Variants in CNTN5 observed in about 807,000 individuals in gnomAD.
CNTN5 encodes the protein contactin 5.
CNTN5 carries 77 observed loss-of-function variants against 129.1 expected under a neutral mutation model. The observed-to-expected ratio is 0.60, with a 90% confidence interval of 0.50 to 0.72. The LOEUF (loss-of-function observed/expected upper bound fraction) is 0.72, where lower values mean the gene tolerates loss of function less well. Among genes scored for constraint, CNTN5 ranks in the 30% least tolerant of loss-of-function variants. The pLI is 0.00. For missense variants in CNTN5, 1,478 were observed against 1,328.8 expected (o/e 1.11, Z -1.75); for synonymous variants, 509 against 465.6 (o/e 1.09, Z -1.20).
intron 15 of CNTN5, 26 bp downstream of exon 15, chr11:100,193,689 T>A (rs765961802): frequency 1.9e-6 from 3 of 1,590,098 alleles, no homozygotes; most frequent in South Asian, 1.2e-5. Flanking sequence ...TTTATTCTTT[T>A]AGTAATGATA....
At chr11:99,482,606 A>T (rs1408904735) in intron 2 of CNTN5, among the ~76,000 whole-genome samples, 1 of 152,192 alleles carries the variant, frequency 6.6e-6, no homozygotes. Context: ...AATAAAATCA[A>T]TTGTTTTCTT....
chr11:99,789,859 A>G (rs565164428), intron 3 of CNTN5, among the ~76,000 whole-genome samples: 4 of 151,942 alleles, frequency 2.6e-5, no homozygotes, highest in Non-Finnish European at 5.9e-5. Context: ...TTATGGTACA[A>G]TTGATCCCAT....
At chr11:100,152,582 A>T (rs1167756156) in intron 13 of CNTN5, among the ~76,000 whole-genome samples, 1 of 152,140 alleles carries the variant, frequency 6.6e-6, no homozygotes, top group Non-Finnish European at 1.5e-5. Context: ...TCATTGATTG[A>T]TTGAAAATAA....
intron 1 of CNTN5, among the ~76,000 whole-genome samples, chr11:99,057,133 G>A (rs1170156316): frequency 6.6e-6 from 1 of 152,000 alleles, no homozygotes. Context: ...GGGATAGATG[G>A]TTGGATTACC....
chr11:99,409,479 A>T (rs2135000346), intron 2 of CNTN5, among the ~76,000 whole-genome samples: 1 of 152,348 alleles, frequency 6.6e-6, no homozygotes, highest in South Asian at 2.1e-4. Flanking sequence ...TCAAAAATAA[A>T]AAAATAAATA....
rs201605237 is a variant in CNTN5 at position 99,916,026 on chromosome 11, G to A, written c.578-28G>A. On this transcript the variant is annotated intron_variant, in intron 6 of 24. Coordinates refer to ENST00000524871, the MANE Select transcript of CNTN5 (RefSeq NM_014361.4). ...AATTCTTTACATTCTTTTCTGCCTTGGATCTAAATGTTTTATTATGTTGAC... is the reference window on the plus strand; with the variant it reads ...AATTCTTTACATTCTTTTCTGCCTTAGATCTAAATGTTTTATTATGTTGAC... 40 of 1,542,796 alleles carry A rather than the reference G, an allele frequency of 2.6e-5. No individual in the cohort carries two copies. The South Asian group carries it at 4.2e-4, about 16-fold the overall frequency.
intron 24 of CNTN5, among the ~76,000 whole-genome samples, chr11:100,351,837 G>T (rs1202408640): frequency 6.6e-6 from 1 of 151,402 alleles, no homozygotes; most frequent in Non-Finnish European, 1.5e-5. Context: ...GTCCCGTCAT[G>T]CTCTGTATGT....
intron 3 of CNTN5, among the ~76,000 whole-genome samples, chr11:99,742,750 T>G (rs1194824361): frequency 6.6e-6 from 1 of 152,184 alleles, no homozygotes; most frequent in African/African-American, 2.4e-5. Context: ...CTAGCGTTCC[T>G]TCTACTGAAA....
chr11:100,184,909 T>C (rs988203587), intron 13 of CNTN5, among the ~76,000 whole-genome samples: 2 of 152,060 alleles, frequency 1.3e-5, no homozygotes, highest in Admixed American at 6.6e-5. Flanking sequence ...TGGGAGGTCA[T>C]TGTATCATGG....
chr11:99,190,998 T>C (rs1858613436), intron 1 of CNTN5, among the ~76,000 whole-genome samples: 1 of 151,706 alleles, frequency 6.6e-6, no homozygotes, highest in Admixed American at 6.6e-5. Context: ...ATTGTCTTTA[T>C]TGTGTTGAGG....
chr11:99,074,952 G>A (rs79483870), intron 1 of CNTN5, among the ~76,000 whole-genome samples: 2 of 152,278 alleles, frequency 1.3e-5, no homozygotes, highest in African/African-American at 2.4e-5. Flanking sequence ...TTGAAAAATA[G>A]CGAGGATATT....
At chr11:99,322,909 A>G (rs1436167220) in intron 1 of CNTN5, among the ~76,000 whole-genome samples, 1 of 152,194 alleles carries the variant, frequency 6.6e-6, no homozygotes, top group Non-Finnish European at 1.5e-5. Context: ...GCAAAACTAT[A>G]CAAGATAAAT....
chr11:99,991,520 G>A (rs1447356939), intron 8 of CNTN5, among the ~76,000 whole-genome samples: 1 of 152,036 alleles, frequency 6.6e-6, no homozygotes, highest in African/African-American at 2.4e-5. Flanking sequence ...TCTTCTGGTT[G>A]CAACTGAGAA....
intron 6 of CNTN5, among the ~76,000 whole-genome samples, chr11:99,897,830 C>T (rs1949248141): frequency 6.6e-6 from 1 of 152,126 alleles, no homozygotes; most frequent in Non-Finnish European, 1.5e-5. Flanking sequence ...CTACATACCC[C>T]ACTTAAAACA....
At chr11:99,175,295 G>A (rs1440308352) in intron 1 of CNTN5, among the ~76,000 whole-genome samples, 2 of 152,076 alleles carry the variant, frequency 1.3e-5, no homozygotes, top group Non-Finnish European at 2.9e-5. Flanking sequence ...AATGTTCATG[G>A]TCTTGTACCA....
At chr11:99,389,183 C>T (rs1336870659) in intron 2 of CNTN5, among the ~76,000 whole-genome samples, 1 of 151,952 alleles carries the variant, frequency 6.6e-6, no homozygotes, top group Non-Finnish European at 1.5e-5. Flanking sequence ...GCATGTGCCA[C>T]CATGCCTAGC....
chr11:100,341,925 T>C (rs1952170740), intron 23 of CNTN5, among the ~76,000 whole-genome samples: 1 of 151,034 alleles, frequency 6.6e-6, no homozygotes. Context: ...ATAAAATATA[T>C]TAAGTATAAT....
chr11:99,771,239 A>G (rs1944934475), intron 3 of CNTN5, among the ~76,000 whole-genome samples: 2 of 152,064 alleles, frequency 1.3e-5, no homozygotes, highest in Non-Finnish European at 2.9e-5. Flanking sequence ...CCAAAAGAGA[A>G]AAAGTCAGTA....
chr11:99,731,398 G>C (rs565378620), intron 3 of CNTN5, among the ~76,000 whole-genome samples: 2 of 152,206 alleles, frequency 1.3e-5, no homozygotes, highest in South Asian at 4.1e-4. Context: ...ATACTGAAAA[G>C]AAGCTCTTTA....
Sources: gnomAD v4.1 joint callset for allele counts (sites outside exome capture counted in the v4.1 genomes callset) on GRCh38, gnomAD v4.1.1 for gene constraint, MANE v1.5 for transcripts, NCBI Gene and HGNC (gene_info 2026-07-23, HGNC 2026-07-21) for gene names.